DLC1: variants seen among roughly 807,000 people sequenced by gnomAD.
DLC1 encodes rho GTPase-activating protein 7.
DLC1 carries 54 observed loss-of-function variants against 140.3 expected under a neutral mutation model. That is an observed-to-expected ratio of 0.38 (90% CI 0.31 to 0.48). DLC1 has a LOEUF of 0.48. Ranked by LOEUF, DLC1 falls within the 20% of genes least tolerant of loss-of-function variation. DLC1 has a pLI of 0.96. For missense variants in DLC1, 2,536 were observed against 1,907.0 expected (o/e 1.33, Z -6.14); for synonymous variants, 986 against 728.1 (o/e 1.35, Z -5.70).
intron 3 of DLC1, among the ~76,000 whole-genome samples, chr8:13,396,794 C>T (rs1425722157): frequency 6.6e-6 from 1 of 152,152 alleles, no homozygotes; most frequent in Non-Finnish European, 1.5e-5. Flanking sequence ...GTTCTCTGTT[C>T]AATTTGAGAA....
chr8:13,489,974 G>A (rs1801161708), intron 2 of DLC1, among the ~76,000 whole-genome samples: 2 of 152,080 alleles, frequency 1.3e-5, no homozygotes, highest in Non-Finnish European at 2.9e-5. Context: ...TTTACTTAAT[G>A]TTCCTAACAA....
intron 4 of DLC1, among the ~76,000 whole-genome samples, chr8:13,312,386 A>AAAAAAAAAAAAAATAATAATAAT (rs71207139): frequency 6.1e-5 from 5 of 81,680 alleles, no homozygotes; most frequent in African/African-American, 2.2e-4. Context: ...AAAAAAAAAA[A>AAAAAAAAAAAAAATAATAATAAT]AATAATTTCT....
At chr8:13,390,812 C>T (rs1482362699) in intron 4 of DLC1, among the ~76,000 whole-genome samples, 2 of 151,916 alleles carry the variant, frequency 1.3e-5, no homozygotes, top group African/African-American at 4.8e-5. Context: ...ACAGTGAAAC[C>T]GTCTCTCTAC....
chr8:13,365,204 G>C (rs1274683197), intron 4 of DLC1, among the ~76,000 whole-genome samples: 4 of 152,136 alleles, frequency 2.6e-5, no homozygotes, highest in African/African-American at 9.7e-5. Flanking sequence ...TTCCTTTGTG[G>C]ACTTAAATTA....
intron 2 of DLC1, among the ~76,000 whole-genome samples, chr8:13,418,604 T>C (rs1346184403): frequency 6.6e-6 from 1 of 152,206 alleles, no homozygotes; most frequent in African/African-American, 2.4e-5. Flanking sequence ...ACCATGCTGT[T>C]TTGGTTACTG....
At chr8:13,104,517 A>G (rs1819390561) in intron 7 of DLC1, among the ~76,000 whole-genome samples, 1 of 152,168 alleles carries the variant, frequency 6.6e-6, no homozygotes, top group African/African-American at 2.4e-5. Context: ...TCTTCCTCAA[A>G]TGAACCTGTA....
chr8:13,424,919 T>C (rs192370553), intron 2 of DLC1, among the ~76,000 whole-genome samples: 1 of 152,328 alleles, frequency 6.6e-6, no homozygotes, highest in East Asian at 1.9e-4. Context: ...CTGTGCTTAG[T>C]ACATAATGTA....
At chr8:13,197,197 T>C (rs1175025975) in intron 5 of DLC1, among the ~76,000 whole-genome samples, 1 of 152,218 alleles carries the variant, frequency 6.6e-6, no homozygotes, top group Non-Finnish European at 1.5e-5. Flanking sequence ...ATTTCGGAAA[T>C]GTTCAAGAAA....
At chr8:13,194,592 G>T (rs1039351113) in intron 5 of DLC1, among the ~76,000 whole-genome samples, 23 of 152,322 alleles carry the variant, frequency 1.5e-4, no homozygotes, top group African/African-American at 4.8e-4. Flanking sequence ...GCAGAGGCCA[G>T]CATTACTGGC....
chr8:13,137,062 A>T (rs1443012512), intron 5 of DLC1, among the ~76,000 whole-genome samples: 2 of 152,198 alleles, frequency 1.3e-5, no homozygotes, highest in East Asian at 3.9e-4. Context: ...ATCATCATCC[A>T]AGAGATGATT....
At chr8:13,234,098 C>A (rs1002648403) in intron 5 of DLC1, among the ~76,000 whole-genome samples, 5 of 152,114 alleles carry the variant, frequency 3.3e-5, no homozygotes, top group Non-Finnish European at 5.9e-5. Flanking sequence ...CCAATGACAA[C>A]AGTAGTCTTT....
intron 2 of DLC1, among the ~76,000 whole-genome samples, chr8:13,439,671 G>A (rs769143424): frequency 1.3e-5 from 2 of 152,018 alleles, no homozygotes; most frequent in Non-Finnish European, 2.9e-5. Flanking sequence ...TTACTTTGGA[G>A]ATTTAGAGCA....
chr8:13,562,640 C>T (rs1203213199), intron 1 of DLC1, among the ~76,000 whole-genome samples: 1 of 152,014 alleles, frequency 6.6e-6, no homozygotes, highest in Non-Finnish European at 1.5e-5. Flanking sequence ...ATGTGTACTG[C>T]CTGTGGAGGG....
chr8:13,451,194 A>G (rs1005470103), intron 2 of DLC1, among the ~76,000 whole-genome samples: 5 of 152,082 alleles, frequency 3.3e-5, no homozygotes, highest in Admixed American at 1.3e-4. Flanking sequence ...GACCACATTA[A>G]AGTCATTTAT....
At chr8:13,185,913 G>C (rs1237049456) in intron 5 of DLC1, among the ~76,000 whole-genome samples, 1 of 152,156 alleles carries the variant, frequency 6.6e-6, no homozygotes, top group African/African-American at 2.4e-5. Context: ...ATGAAGCTTA[G>C]TTTGGCTGGA....
intron 5 of DLC1, among the ~76,000 whole-genome samples, chr8:13,241,468 T>C (rs114594494): frequency 0.011 from 1,700 of 152,236 alleles, 29 homozygotes; most frequent in African/African-American, 0.038. Context: ...ATCCCCCTTA[T>C]ACCTTTTTTA....
At chr8:13,471,567 A>T (rs1431218578) in intron 2 of DLC1, among the ~76,000 whole-genome samples, 2 of 151,804 alleles carry the variant, frequency 1.3e-5, no homozygotes, top group Non-Finnish European at 2.9e-5. Context: ...AAGAGAAGGA[A>T]AAATAGCGAA....
chr8:13,178,255 A>C (rs1047874992), intron 5 of DLC1, among the ~76,000 whole-genome samples: 1 of 152,132 alleles, frequency 6.6e-6, no homozygotes, highest in African/African-American at 2.4e-5. Context: ...GCAACCCCCC[A>C]AAAAAACTAT....
intron 1 of DLC1, among the ~76,000 whole-genome samples, chr8:13,592,327 G>A (rs1472627529): frequency 6.6e-6 from 1 of 151,702 alleles, no homozygotes; most frequent in Non-Finnish European, 1.5e-5. Context: ...TACCCTCTGT[G>A]TTATATTTAA....
Sources: gnomAD v4.1 joint callset for allele counts (sites outside exome capture counted in the v4.1 genomes callset) on GRCh38, gnomAD v4.1.1 for gene constraint, MANE v1.5 for transcripts, NCBI Gene and HGNC (gene_info 2026-07-23, HGNC 2026-07-21) for gene names.